Variants in HECTD4 observed in about 807,000 individuals in gnomAD.
HECTD4 encodes the protein probable E3 ubiquitin-protein ligase HECTD4.
A neutral mutation model predicts 471.5 loss-of-function variants in HECTD4; 114 were observed. The ratio of observed to expected loss-of-function variants is 0.24; its 90% CI spans 0.21 to 0.28. The LOEUF (loss-of-function observed/expected upper bound fraction) is 0.28, where lower values mean the gene tolerates loss of function less well. Ranked by LOEUF, HECTD4 falls within the 10% of genes least tolerant of loss-of-function variation. The probability of loss-of-function intolerance (pLI) is 1.00; values close to 1 mark genes in which losing one functional copy is unlikely to be tolerated. For synonymous variants in HECTD4, 2,012 were observed against 2,256.0 expected, an observed-to-expected ratio of 0.89 and a Z score of 3.07; for missense variants, 3,866 against 5,651.5, an observed-to-expected ratio of 0.68 and a Z score of 10.13.
Position 112,243,530 on chromosome 12 carries a change from C to T in HECTD4, c.4792-11G>A. Reference sequence around the variant, plus strand: ...ACTGCTGCTGGACACCTGAAACACACAAGGAGGGACACCTGACTCCTGCTA... The same window carrying T: ...ACTGCTGCTGGACACCTGAAACACATAAGGAGGGACACCTGACTCCTGCTA... On this transcript the variant is annotated splice_polypyrimidine_tract_variant and intron_variant, in intron 31 of 75. Transcript: ENST00000682272. The surrounding 1 kb of genome is among the most constrained non-coding windows in gnomAD (Gnocchi z 6.6). 1.9e-6 allele frequency: 3 copies of T among 1,603,014 alleles called. No homozygotes were observed. Among genetic ancestry groups the T allele is most frequent in the Non-Finnish European group, 2.6e-6 (3 of 1,174,622 alleles).
intron 1 of HECTD4, among the ~76,000 whole-genome samples, chr12:112,359,092 C>T (rs190169959): frequency 2.0e-4 from 31 of 151,706 alleles, no homozygotes; most frequent in African/African-American, 7.0e-4. Flanking sequence ...AGGAGAATGG[C>T]GTGAATGCGG....
At chr12:112,335,165 CAG>C (rs1555259308) in intron 1 of HECTD4, among the ~76,000 whole-genome samples, 8 of 151,998 alleles carry the variant, frequency 5.3e-5, no homozygotes, top group South Asian at 2.1e-4. Flanking sequence ...CACACACACA[CAG>C]ACACACACAC....
intron 66 of HECTD4, among the ~76,000 whole-genome samples, chr12:112,174,909 G>A (rs764627170): frequency 3.3e-5 from 5 of 151,916 alleles, no homozygotes; most frequent in Admixed American, 6.6e-5. Flanking sequence ...GAGTAGGGGC[G>A]TGTGTGTGTG....
At chr12:112,350,787 A>ACTT (rs1396779692) in intron 1 of HECTD4, among the ~76,000 whole-genome samples, 1 of 152,222 alleles carries the variant, frequency 6.6e-6, no homozygotes, top group Admixed American at 6.5e-5. Flanking sequence ...GCTCTGATTT[A>ACTT]TGGTGCCAGT....
chr12:112,176,788 C>T (rs2031465318), intron 64 of HECTD4, 86 bp from the exon 65 acceptor site: 1 of 1,042,828 alleles, frequency 9.6e-7, no homozygotes, highest in Non-Finnish European at 1.5e-6. Context: ...TCATTCATTC[C>T]TGCTCCCTCC....
At chr12:112,242,335 A>G (rs530317128) in intron 32 of HECTD4, among the ~76,000 whole-genome samples, 23 of 152,316 alleles carry the variant, frequency 1.5e-4, no homozygotes, top group African/African-American at 5.1e-4. Flanking sequence ...TAAAGCAGCC[A>G]GGTGTGGTGG....
intron 14 of HECTD4, 43 bp from the exon 15 acceptor site, chr12:112,266,026 C>T: frequency 1.5e-6 from 2 of 1,322,126 alleles, no homozygotes; most frequent in Non-Finnish European, 2.2e-6. Flanking sequence ...GGTAATGACT[C>T]CTAGAATACT....
At position 112,265,848 on chromosome 12, in the gene HECTD4, G is replaced by A. The variant is rs2034256544; in HGVS notation, c.2498+30C>T. 9 of 1,505,232 alleles carry A rather than the reference G, an allele frequency of 6.0e-6. 1 individual carries two copies. Among genetic ancestry groups the A allele is most frequent in the Non-Finnish European group, 8.3e-6 (9 of 1,081,984 alleles). 93.2% of individuals were successfully genotyped at this position (1,505,232 alleles called of 1,614,324 possible). A position where few individuals can be genotyped will look rare whatever the true frequency, so the allele number is the denominator to read the frequency against. ...TAAACTAACGACTGAGAACACAAAG[G>A]CTAGAAGTGAATAATATAACTGGTG... On this transcript the variant is annotated intron_variant, in intron 15 of 75. Transcript: ENST00000682272.
rs1317398796 is a variant in HECTD4, at chr12:112,243,693, C to T, written c.4718G>A (p.Ser1573Asn). The T allele has an allele frequency of 2.5e-6, 4 of 1,613,864 alleles. No individual in the cohort carries two copies. The African/African-American group carries it at 4.0e-5, about 16-fold the overall frequency. ...TLLQSLAIEDSRDKPTYSVLL... is the reference protein window; with the variant it reads ...TLLQSLAIEDNRDKPTYSVLL... ...GACACTGTAGGTGGGCTTGTCCCTGCTGTCCTCAATGGCCAGCGACTGCAG... is the reference window on the plus strand; with the variant it reads ...GACACTGTAGGTGGGCTTGTCCCTGTTGTCCTCAATGGCCAGCGACTGCAG... The change falls in exon 31 of 76, where the codon AGC becomes AAC. Residue 1573 changes from serine to asparagine, a missense_variant. Physicochemically the swap from Ser to Asn is conservative, Grantham distance 46. Transcript: ENST00000682272. The surrounding 1 kb of genome is among the most constrained non-coding windows in gnomAD (Gnocchi z 6.6).
At chr12:112,233,115 C>T (rs1170073298) in intron 37 of HECTD4, 30 bp from the exon 38 acceptor site, 3 of 1,570,808 alleles carry the variant, frequency 1.9e-6, no homozygotes, top group Non-Finnish European at 2.6e-6. Flanking sequence ...GAACACAGCA[C>T]ACCTTACAGG....
chr12:112,262,323 C>T (rs2034164980), intron 17 of HECTD4, among the ~76,000 whole-genome samples: 1 of 151,812 alleles, frequency 6.6e-6, no homozygotes, highest in South Asian at 2.1e-4. Flanking sequence ...CCAGTCTGGA[C>T]AACACGGTGA....
chr12:112,197,047 C>T (rs531904724), intron 55 of HECTD4, among the ~76,000 whole-genome samples: 6 of 152,182 alleles, frequency 3.9e-5, no homozygotes, highest in South Asian at 2.1e-4. Flanking sequence ...CTGCCCACCT[C>T]GGCCTCCCAA....
At chr12:112,170,679 T>C (rs2031180128) in intron 68 of HECTD4, 2 of 536,304 alleles carry the variant, frequency 3.7e-6, no homozygotes, top group Admixed American at 3.3e-5. Context: ...AAACTAGAGT[T>C]GCAAAATGGA....
intron 23 of HECTD4, among the ~76,000 whole-genome samples, chr12:112,251,598 G>A (rs2033890366): frequency 6.6e-6 from 1 of 152,208 alleles, no homozygotes. Context: ...AGATACATCA[G>A]AGAATGAAAT....
At position 112,193,756 on chromosome 12, in the gene HECTD4, A is replaced by C; in HGVS notation, c.8750-82T>G. On this transcript the variant is annotated intron_variant, in intron 56 of 75. Coordinates refer to ENST00000682272, the MANE Select transcript of HECTD4 (RefSeq NM_001388303.1). This position sits in a 1 kb window ranked among gnomAD's most constrained non-coding sequence, Gnocchi z 5.2. ...GAGTCTAAGTAACAGAAAATGAATA[A>C]CCCATCCAGAAACCCCAGATGGGAG... 1 of 1,277,108 alleles carries C rather than the reference A, an allele frequency of 7.8e-7. No individual in the cohort carries two copies. Among genetic ancestry groups the C allele is most frequent in the Non-Finnish European group, 1.1e-6 (1 of 902,054 alleles). 79.1% of individuals were successfully genotyped at this position (1,277,108 alleles called of 1,614,324 possible).
chr12:112,167,255 TAAGC>T, intron 72 of HECTD4, 58 bp downstream of exon 72: 1 of 1,464,048 alleles, frequency 6.8e-7, no homozygotes, highest in Non-Finnish European at 9.4e-7. Context: ...CATGGAGGCC[TAAGC>T]AAGGTGGCGG....
In HECTD4 at chr12:112,203,736, T is replaced by A; in HGVS notation, c.8306A>T (p.Asn2769Ile). The change falls in exon 54 of 76, where the codon AAT (asparagine) becomes ATT (isoleucine). Residue 2769 changes from asparagine (N) to isoleucine (I), a missense_variant. Around this residue, in one of 16 missense-constraint regions of HECTD4, gnomAD observed 266 missense variants for 441.6 expected, o/e 0.60. Transcript: ENST00000682272. ...AGTTCCAACAGCACTGCTGGCTACA[T>A]TATTGCTGTCTGGAGAGCGGGTTAC... is the stretch of plus-strand genomic sequence containing the variant. ...TVVTRSPDSNNVASSAVGTAL... is the reference protein window; with the variant it reads ...TVVTRSPDSNIVASSAVGTAL... The A allele has an allele frequency of 6.2e-7, 1 of 1,612,736 alleles. No individual in the cohort carries two copies. The highest frequency in any genetic ancestry group is 8.5e-7 in the Non-Finnish European group (1 of 1,179,266).
intron 15 of HECTD4, 52 bp downstream of exon 15, chr12:112,265,826 A>G: frequency 7.4e-7 from 1 of 1,347,826 alleles, no homozygotes; most frequent in African/African-American, 1.4e-5. Context: ...TTAAATGTAA[A>G]CTAACGACTG....
Position 112,192,759 on chromosome 12 carries a change from A to G in HECTD4, c.9093T>C (p.Ser3031=), listed in dbSNP as rs759975535. 1 of 1,578,054 alleles carries G rather than the reference A, an allele frequency of 6.3e-7. No homozygotes were observed. The highest frequency in any genetic ancestry group is 8.6e-7 in the Non-Finnish European group (1 of 1,162,106). The change falls in exon 59 of 76, where the codon TCT becomes TCC. Residue 3031 remains serine, a synonymous_variant. Coordinates refer to ENST00000682272, the MANE Select transcript of HECTD4 (RefSeq NM_001388303.1). ...ESQSGFRKDS[S]LYKAPWARVL... ...CCCGTGCCCACGGTGCCTTGTACAG[A>G]GAGGAGCTGAGAAGGAGGGATGGGT...
Sources: gnomAD v4.1 joint callset for allele counts (sites outside exome capture counted in the v4.1 genomes callset) on GRCh38, gnomAD v4.1.1 for gene constraint, gnomAD v4.1.1 regional missense constraint, Gnocchi (gnomAD v3.1) non-coding constraint, MANE v1.5 for transcripts, NCBI Gene and HGNC (gene_info 2026-07-23, HGNC 2026-07-21) for gene names.